The following CDC42BPA variants were observed in gnomAD, a reference collection of about 807,000 sequenced individuals.
CDC42BPA encodes CDC42 binding protein kinase alpha.
In CDC42BPA, 80 loss-of-function variants were observed where a neutral mutation model predicts 223.5. The ratio of observed to expected loss-of-function variants is 0.36; its 90% confidence interval spans 0.30 to 0.43. CDC42BPA has a LOEUF of 0.43. CDC42BPA is among the 20% of genes least tolerant of loss of function. The pLI is 1.00. For missense variants in CDC42BPA, 1,743 were observed against 2,099.9 expected (o/e 0.83, Z 3.32); for synonymous variants, 694 against 718.6 (o/e 0.97, Z 0.55).
intron 35 of CDC42BPA, among the ~76,000 whole-genome samples, chr1:227,000,074 T>C (rs1309581712): frequency 6.7e-6 from 1 of 149,942 alleles, no homozygotes; most frequent in Non-Finnish European, 1.5e-5. Flanking sequence ...GTTCTACACA[T>C]GTATCCCAGA....
intron 32 of CDC42BPA, among the ~76,000 whole-genome samples, chr1:227,017,970 T>A (rs1666622364): frequency 6.6e-6 from 1 of 151,770 alleles, no homozygotes; most frequent in African/African-American, 2.4e-5. Context: ...AACATGATCC[T>A]CGTGGCATAA....
At chr1:227,082,265 CA>C (rs10717998) in intron 16 of CDC42BPA, among the ~76,000 whole-genome samples, 133,348 of 152,066 alleles carry the variant, frequency 0.88, 58,526 homozygotes, top group African/African-American at 0.91. Context: ...AAGCTGGTCT[CA>C]AGATTCCTGG....
intron 23 of CDC42BPA, among the ~76,000 whole-genome samples, chr1:227,043,141 C>T (rs1392540002): frequency 6.6e-6 from 1 of 152,026 alleles, no homozygotes; most frequent in East Asian, 1.9e-4. Flanking sequence ...TGGCCAGGCA[C>T]GGTACCTTAT....
chr1:227,290,454 T>C (rs1689508085), intron 1 of CDC42BPA, among the ~76,000 whole-genome samples: 1 of 152,198 alleles, frequency 6.6e-6, no homozygotes, highest in African/African-American at 2.4e-5. Flanking sequence ...ATTTAAAAAA[T>C]TTATTGAATT....
chr1:227,284,777 A>G (rs1688547197), intron 1 of CDC42BPA, among the ~76,000 whole-genome samples: 3 of 152,056 alleles, frequency 2.0e-5, no homozygotes, highest in African/African-American at 2.4e-5. Flanking sequence ...CCTGGGCAAC[A>G]TGGCAAAACC....
intron 15 of CDC42BPA, among the ~76,000 whole-genome samples, chr1:227,097,873 C>T (rs192263665): frequency 1.3e-5 from 2 of 152,280 alleles, no homozygotes; most frequent in East Asian, 3.9e-4. Context: ...AGAAGGGATG[C>T]AACCCCACAG....
intron 17 of CDC42BPA, among the ~76,000 whole-genome samples, chr1:227,076,131 T>C (rs1168176360): frequency 3.9e-5 from 6 of 152,194 alleles, no homozygotes; most frequent in African/African-American, 1.4e-4. Context: ...GGGCAACTCA[T>C]GCCATTTAAG....
chr1:227,091,657 A>G (rs1022951594), intron 16 of CDC42BPA, among the ~76,000 whole-genome samples: 4 of 152,328 alleles, frequency 2.6e-5, no homozygotes. Flanking sequence ...AAGAGGCTCA[A>G]AAAAATATAT....
chr1:227,073,761 T>C (rs1678904176), intron 19 of CDC42BPA, 103 bp downstream of exon 19: 1 of 926,128 alleles, frequency 1.1e-6, no homozygotes, highest in African/African-American at 1.7e-5. Context: ...TTGGCCATCA[T>C]TTTTCTAAAA....
intron 16 of CDC42BPA, among the ~76,000 whole-genome samples, chr1:227,086,298 T>C (rs914274160): frequency 3.9e-5 from 6 of 152,234 alleles, no homozygotes; most frequent in Non-Finnish European, 2.9e-5. Context: ...AAAATTCATA[T>C]GTAAGTCTTA....
At chr1:227,071,894 T>A (rs1329882497) in intron 20 of CDC42BPA, among the ~76,000 whole-genome samples, 1 of 151,538 alleles carries the variant, frequency 6.6e-6, no homozygotes, top group African/African-American at 2.4e-5. Flanking sequence ...TTTTTTCCAA[T>A]CACAAAAATG....
At chr1:227,035,398 A>G in intron 25 of CDC42BPA, 73 bp downstream of exon 25, 4 of 1,166,442 alleles carry the variant, frequency 3.4e-6, no homozygotes, top group South Asian at 2.9e-5. Flanking sequence ...ATCCTCTTAA[A>G]CTAACTGGAT....
intron 2 of CDC42BPA, among the ~76,000 whole-genome samples, chr1:227,233,170 C>T (rs775086584): frequency 1.1e-4 from 17 of 152,308 alleles, no homozygotes; most frequent in Middle Eastern, 3.4e-3. Context: ...TGTTCCTATT[C>T]GGCCATCTTA....
intron 14 of CDC42BPA, among the ~76,000 whole-genome samples, chr1:227,106,844 G>A (rs1471592833): frequency 6.6e-6 from 1 of 152,104 alleles, no homozygotes; most frequent in Non-Finnish European, 1.5e-5. Context: ...AATGGACTTA[G>A]TACATTTGTC....
intron 3 of CDC42BPA, 102 bp from the exon 4 acceptor site, chr1:227,199,754 A>G (rs1671395325): frequency 1.6e-6 from 1 of 611,080 alleles, no homozygotes; most frequent in African/African-American, 1.9e-5. Context: ...CTGGAAAAGG[A>G]ATACACCTGA....
intron 17 of CDC42BPA, among the ~76,000 whole-genome samples, chr1:227,080,257 C>T (rs112982741): frequency 3.1e-5 from 3 of 97,416 alleles, no homozygotes; most frequent in Non-Finnish European, 6.7e-5. Context: ...CTTGGAAATA[C>T]AGTCTTCATT....
At chr1:227,196,771 A>T (rs1670831028) in intron 4 of CDC42BPA, among the ~76,000 whole-genome samples, 1 of 152,226 alleles carries the variant, frequency 6.6e-6, no homozygotes, top group African/African-American at 2.4e-5. Flanking sequence ...TTCACCTTTT[A>T]AACAAGTTAC....
intron 21 of CDC42BPA, chr1:227,059,307 A>AGGCAAAAGGATGAGAGAGG (rs1675289582): frequency 7.5e-7 from 1 of 1,334,346 alleles, no homozygotes; most frequent in Non-Finnish European, 1.1e-6. Flanking sequence ...CCGCAATCAC[A>AGGCAAAAGGATGAGAGAGG]GGCAAAAGGA....
At chr1:227,129,035 G>C in intron 11 of CDC42BPA, 74 bp downstream of exon 11, 1 of 995,628 alleles carries the variant, frequency 1.0e-6, no homozygotes, top group Non-Finnish European at 1.5e-6. Context: ...GTTCTCAATA[G>C]ATGTTTTTTG....
Sources: allele counts gnomAD v4.1 joint callset (sites outside exome capture counted in the v4.1 genomes callset), GRCh38; gene constraint gnomAD v4.1.1; transcripts MANE v1.5; gene names NCBI Gene and HGNC (gene_info 2026-07-23, HGNC 2026-07-21).